PKD2L1: variants seen among roughly 807,000 people sequenced by gnomAD.
PKD2L1 encodes the protein polycystin-2-like protein 1.
A neutral mutation model predicts 93.0 loss-of-function variants in PKD2L1; 77 were observed. The observed-to-expected ratio is 0.83, with a 90% CI of 0.69 to 1.00. The LOEUF (loss-of-function observed/expected upper bound fraction) is 1.00. Ranked by LOEUF, PKD2L1 falls within the 50% of genes least tolerant of loss-of-function variation. The pLI is 0.00. For synonymous variants in PKD2L1, 390 were observed against 388.0 expected (o/e 1.01, Z -0.06); for missense variants, 977 against 990.9 (o/e 0.99, Z 0.19).
intron 2 of PKD2L1, among the ~76,000 whole-genome samples, chr10:100,309,189 G>A (rs778890690): frequency 2.6e-5 from 4 of 152,054 alleles, no homozygotes; most frequent in Admixed American, 6.6e-5. Context: ...TACAGTCATC[G>A]AAATAGTAAC....
At chr10:100,329,695 G>T (rs990570570) in intron 1 of PKD2L1, among the ~76,000 whole-genome samples, 174 bp downstream of exon 1, 3 of 152,132 alleles carry the variant, frequency 2.0e-5, no homozygotes, top group Admixed American at 6.5e-5. Context: ...CCGCTCAGCT[G>T]GCCTCTGTGT....
At chr10:100,314,995 GAAGGAAGGAAGGAAGGA>G (rs1564891265) in intron 2 of PKD2L1, among the ~76,000 whole-genome samples, 9 of 12,774 alleles carry the variant, frequency 7.0e-4, no homozygotes, top group Non-Finnish European at 1.1e-3. Context: ...AGGAAGGAAG[GAAGGAAGGAAGGAAGGA>G]AGGGAAGGGA....
In PKD2L1 at chr10:100,329,979, C is replaced by A. The variant is rs990539485; in HGVS notation, c.125G>T (p.Ser42Ile). Residue 42 changes from serine (S) to isoleucine (I), a missense_variant, in exon 1 of 16, where the codon AGC becomes ATC. Transcript: ENST00000318222. ...GGGTTGGGGCTGGAGAGGCCCCGTGCTGGAGATGGTGCAGACTCTCAGCGT... is the reference window on the plus strand; with the variant it reads ...GGGTTGGGGCTGGAGAGGCCCCGTGATGGAGATGGTGCAGACTCTCAGCGT... ...HGTLRVCTIS[S>I]TGPLQPQPKK... The A allele has an allele frequency of 5.0e-6, 8 of 1,613,964 alleles. No individual in the cohort carries two copies. The highest frequency in any genetic ancestry group is 1.7e-5 in the Admixed American group (1 of 60,004).
intron 2 of PKD2L1, among the ~76,000 whole-genome samples, chr10:100,313,097 C>T (rs1848969830): frequency 6.6e-6 from 1 of 152,064 alleles, no homozygotes; most frequent in Non-Finnish European, 1.5e-5. Flanking sequence ...TCCACACGCT[C>T]CTGTAGAAGG....
chr10:100,324,090 A>C (rs1173191911), intron 2 of PKD2L1, among the ~76,000 whole-genome samples: 2 of 152,236 alleles, frequency 1.3e-5, no homozygotes, highest in Non-Finnish European at 2.9e-5. Context: ...AGTCTCCCAA[A>C]GTGCTGGGAT....
In PKD2L1 at chr10:100,294,989, C is replaced by T. The variant is rs770370407; in HGVS notation, c.1491G>A (p.Leu497=). Residue 497 remains leucine, a synonymous_variant, in exon 8 of 16, where the codon CTG becomes CTA. Transcript: ENST00000318222. The part of the protein sequence containing the change: ...VFFAYAQLGY[L]LFGTQVENFS... Reference sequence around the variant, plus strand: ...AGTTTTCCACTTGGGTCCCGAAAAGCAGGTAGCCGAGTTGGGCATAGGCGA... The same window carrying T: ...AGTTTTCCACTTGGGTCCCGAAAAGTAGGTAGCCGAGTTGGGCATAGGCGA... 6.8e-6 allele frequency: 11 copies of T among 1,614,074 alleles called. No homozygotes were observed. The highest frequency in any genetic ancestry group is 3.3e-5 in the Admixed American group (2 of 59,992).
At chr10:100,324,644 G>A (rs1000323150) in intron 2 of PKD2L1, among the ~76,000 whole-genome samples, 7 of 152,164 alleles carry the variant, frequency 4.6e-5, no homozygotes, top group African/African-American at 1.7e-4. Context: ...ACTACTACCA[G>A]TGATTGTGTT....
rs757153373 is a variant in PKD2L1 at position 100,296,289 on chromosome 10, A to G, written c.1189T>C (p.Ser397Pro). 6.9e-6 allele frequency: 11 copies of G among 1,590,618 alleles called. No individual in the cohort carries two copies. Among genetic ancestry groups the G allele is most frequent in the South Asian group, 3.5e-5 (3 of 86,948 alleles). Reference protein sequence around the residue: ...NILDLVVILLSIVAVGFHIFR... With the variant: ...NILDLVVILLPIVAVGFHIFR... ...ATGTGGAAGCCCACAGCCACAATGG[A>G]GAGCTGTCACACAGGGGTCATGGGG... The change falls in exon 7 of 16, where the codon TCC becomes CCC. Residue 397 changes from serine to proline, a missense_variant. Transcript: ENST00000318222.
intron 2 of PKD2L1, among the ~76,000 whole-genome samples, chr10:100,308,626 C>G (rs959523259): frequency 6.6e-6 from 1 of 152,246 alleles, no homozygotes; most frequent in East Asian, 1.9e-4. Flanking sequence ...TGAGCCACTG[C>G]GCCAGGCCCC....
chr10:100,328,287 C>T (rs1382024478), intron 2 of PKD2L1, among the ~76,000 whole-genome samples: 2 of 152,124 alleles, frequency 1.3e-5, no homozygotes, highest in Admixed American at 6.5e-5. Context: ...CCTATCTTTT[C>T]ACTTGCTTCT....
intron 13 of PKD2L1, 78 bp from the exon 14 acceptor site, chr10:100,290,216 A>T: frequency 6.4e-7 from 1 of 1,571,344 alleles, no homozygotes; most frequent in Non-Finnish European, 8.7e-7. Context: ...CAGGGTTCAC[A>T]GAAGGGCATG....
At position 100,296,310 on chromosome 10, in the gene PKD2L1, T is replaced by A. The variant is rs1848538286; in HGVS notation, c.1186-18A>T. 2 of 1,551,582 alleles carry A rather than the reference T, an allele frequency of 1.3e-6. No homozygotes were observed. Among genetic ancestry groups the A allele is most frequent in the East Asian group, 4.9e-5 (2 of 40,712 alleles). Reference sequence around the variant, plus strand: ...ATGGAGAGCTGTCACACAGGGGTCATGGGGGTGTCAGAGAAGGCAAGGGGA... The same window carrying A: ...ATGGAGAGCTGTCACACAGGGGTCAAGGGGGTGTCAGAGAAGGCAAGGGGA... On this transcript the variant is annotated intron_variant, in intron 6 of 15. Transcript: ENST00000318222.
chr10:100,288,931 A>T, intron 15 of PKD2L1, 41 bp downstream of exon 15: 1 of 1,351,522 alleles, frequency 7.4e-7, no homozygotes, highest in Non-Finnish European at 1.0e-6. Context: ...AGGCAGAGGG[A>T]GGGAAGCCTG....
chr10:100,301,458 C>A (rs1334928018), intron 2 of PKD2L1, among the ~76,000 whole-genome samples: 1 of 151,460 alleles, frequency 6.6e-6, no homozygotes, highest in Non-Finnish European at 1.5e-5. Context: ...TTAGAGGCCC[C>A]CCCCCCGGGA....
chr10:100,288,548 G>T, intron 15 of PKD2L1, 70 bp from the exon 16 acceptor site: 1 of 935,930 alleles, frequency 1.1e-6, no homozygotes. Context: ...ATAAGAATAG[G>T]ATTCACTGGG....
rs932050057 is a variant in PKD2L1, at chr10:100,330,094, C to T, written c.10G>A (p.Val4Met). The change falls in exon 1 of 16, where the codon GTG (valine) becomes ATG (methionine). Residue 4 changes from valine to methionine, a missense_variant. Transcript: ENST00000318222. MNA[V>M]GSPEGQELQK... ...AGCTCCTGCCCCTCAGGACTTCCCA[C>T]AGCATTCATGGGGAATGAGGTGGGG... 1.3e-6 allele frequency: 2 copies of T among 1,578,730 alleles called. No homozygotes were observed. The highest frequency in any genetic ancestry group is 1.7e-6 in the Non-Finnish European group (2 of 1,159,364).
At chr10:100,300,349 A>T (rs1848647573) in intron 2 of PKD2L1, among the ~76,000 whole-genome samples, 1 of 152,094 alleles carries the variant, frequency 6.6e-6, no homozygotes, top group African/African-American at 2.4e-5. Context: ...CCTAGGAGCA[A>T]TCACCCTGTG....
At chr10:100,294,828 T>C (rs1848487907) in intron 8 of PKD2L1, 114 bp downstream of exon 8, 9 of 1,298,776 alleles carry the variant, frequency 6.9e-6, no homozygotes, top group East Asian at 2.3e-5. Flanking sequence ...CTCACACAGA[T>C]GCTTTGAACA....
chr10:100,329,176 A>T (rs1395485697), intron 2 of PKD2L1, 35 bp downstream of exon 2: 1 of 1,607,238 alleles, frequency 6.2e-7, no homozygotes, highest in South Asian at 1.1e-5. Flanking sequence ...GATGTTTCTC[A>T]CAGACAGATG....
Sources: allele counts gnomAD v4.1 joint callset (sites outside exome capture counted in the v4.1 genomes callset), GRCh38; gene constraint gnomAD v4.1.1; transcripts MANE v1.5; gene names NCBI Gene and HGNC (gene_info 2026-07-23, HGNC 2026-07-21).